FAP: variants seen among roughly 807,000 people sequenced by gnomAD.
FAP encodes the protein fibroblast activation protein alpha, also known as prolyl endopeptidase FAP.
FAP carries 110 observed loss-of-function variants against 126.5 expected under a neutral mutation model. That is an observed-to-expected ratio of 0.87 (90% confidence interval 0.74 to 1.02). FAP has a LOEUF of 1.02. Ranked by LOEUF, FAP falls within the 50% of genes least tolerant of loss-of-function variation. The pLI is 0.00. For missense variants in FAP, 919 were observed against 909.2 expected (o/e 1.01, Z -0.14); for synonymous variants, 334 against 297.3 (o/e 1.12, Z -1.27).
intron 14 of FAP, among the ~76,000 whole-genome samples, chr2:162,201,719 G>A (rs747075501): frequency 3.3e-5 from 5 of 152,160 alleles, no homozygotes; most frequent in African/African-American, 4.8e-5. Context: ...TAGAGAATGT[G>A]TATTGAACTA....
At chr2:162,188,113 G>T in intron 20 of FAP, 56 bp downstream of exon 20, 1 of 1,369,332 alleles carries the variant, frequency 7.3e-7, no homozygotes. Context: ...AAACACAATA[G>T]TGATTGCATG....
chr2:162,213,922 T>C lies in FAP; in HGVS notation c.1002+16A>G. On this transcript the variant is annotated intron_variant, in intron 11 of 25. Coordinates refer to ENST00000188790, the MANE Select transcript of FAP (RefSeq NM_004460.5). ...GATCTTCAGAAATACGTATCTGTGATCTTAATATACCCTACCTTTGGACAA... is the reference window on the plus strand; with the variant it reads ...GATCTTCAGAAATACGTATCTGTGACCTTAATATACCCTACCTTTGGACAA... 1 of 1,608,196 alleles carries C rather than the reference T, an allele frequency of 6.2e-7. No individual in the cohort carries two copies. Among genetic ancestry groups the C allele is most frequent in the Non-Finnish European group, 8.5e-7 (1 of 1,176,794 alleles).
intron 2 of FAP, among the ~76,000 whole-genome samples, chr2:162,234,182 T>C (rs1194640959): frequency 6.6e-6 from 1 of 152,202 alleles, no homozygotes; most frequent in Non-Finnish European, 1.5e-5. Flanking sequence ...GTTTTAGCTA[T>C]TTTGGGTCCC....
intron 20 of FAP, among the ~76,000 whole-genome samples, chr2:162,186,786 C>T (rs368406536): frequency 5.3e-5 from 8 of 152,050 alleles, no homozygotes; most frequent in African/African-American, 1.9e-4. Context: ...TAAAAAAAGT[C>T]CCCCATGGAA....
chr2:162,179,812 AT>A lies in FAP; in HGVS notation c.1869+3601del, dbSNP rs1206502227. On this transcript the variant is annotated intron_variant, in intron 21 of 25. Transcript: ENST00000188790. ...TATCTATATATATATATATATATAT[AT>A]TTTTTTTTTTTTTGAGATGGAGTCT... Among the ~76,000 whole-genome samples, 694 of 90,522 alleles carry A rather than the reference AT, an allele frequency of 7.7e-3. 4 individuals are homozygous for A. Among genetic ancestry groups the A allele is most frequent in the East Asian group, 0.02 (47 of 2,378 alleles). The allele number at this position is 90,522 out of a possible 152,430, so 59.4% of individuals were successfully genotyped here.
chr2:162,195,303 G>A (rs1688211304), intron 16 of FAP, among the ~76,000 whole-genome samples: 1 of 151,982 alleles, frequency 6.6e-6, no homozygotes, highest in Non-Finnish European at 1.5e-5. Context: ...GGTTTGTGGG[G>A]GTGGTATTGG....
chr2:162,224,321 A>G, intron 5 of FAP, 145 bp downstream of exon 5: 1 of 575,370 alleles, frequency 1.7e-6, no homozygotes, highest in Non-Finnish European at 3.1e-6. Context: ...ATAAGATTGA[A>G]ACATATCATG....
chr2:162,229,825 C>G (rs1689819268), intron 2 of FAP, among the ~76,000 whole-genome samples: 1 of 150,536 alleles, frequency 6.6e-6, no homozygotes, highest in East Asian at 1.9e-4. Context: ...GCTATAAATG[C>G]CAACAATCGA....
intron 21 of FAP, among the ~76,000 whole-genome samples, chr2:162,183,048 G>C (rs1427796632): frequency 6.6e-6 from 1 of 151,982 alleles, no homozygotes; most frequent in Non-Finnish European, 1.5e-5. Flanking sequence ...TCAAATTGTA[G>C]CTCCAATTTT....
At chr2:162,229,761 C>G (rs1262231394) in intron 2 of FAP, among the ~76,000 whole-genome samples, 3 of 152,098 alleles carry the variant, frequency 2.0e-5, no homozygotes, top group Non-Finnish European at 4.4e-5. Flanking sequence ...GGACTTGATA[C>G]TATATTTCAT....
rs756775459 is a variant in FAP at position 162,237,150 on chromosome 2, TAAA to T, written c.91+5755_91+5757del. ...TCTTGGTTCTCTATACAATGAGAAA[TAAA>T]AAGAGACTGGTTAGTATTTGACTGT... On this transcript the variant is annotated intron_variant, in intron 2 of 25. Coordinates refer to ENST00000188790, the MANE Select transcript of FAP (RefSeq NM_004460.5). 5.9e-5 allele frequency among the ~76,000 whole-genome samples: 9 copies of T among 152,264 alleles called. No individual in the cohort carries two copies. The South Asian group carries it at 1.5e-3, about 25-fold the overall frequency.
Position 162,219,085 on chromosome 2 carries a change from T to G in FAP, c.585A>C (p.Gly195=), listed in dbSNP as rs76814605. 3,328 of 1,604,880 alleles carry G rather than the reference T, an allele frequency of 2.1e-3. 51 individuals are homozygous for G. In the African/African-American group the frequency reaches 0.038, roughly 18 times the overall value. ...FNGRENKIFN[G]IPDWVYEEEM... ...TACCTTCATAAACCCAGTCTGGGAT[T>G]CCATTAAATATTTTATTTTCTCTTC... is the stretch of plus-strand genomic sequence containing the variant. Residue 195 remains glycine (G), a synonymous_variant, in exon 8 of 26, where the codon GGA becomes GGC. Transcript: ENST00000188790.
In FAP at chr2:162,219,068, T is replaced by C; in HGVS notation, c.602A>G (p.Tyr201Cys). The C allele has an allele frequency of 6.2e-7, 1 of 1,601,692 alleles. No individual in the cohort carries two copies. Among genetic ancestry groups the C allele is most frequent in the Non-Finnish European group, 8.5e-7 (1 of 1,173,722 alleles). ...KIFNGIPDWV[Y>C]EEEMLATKYA... ...AGAAAAGGAATACAGCTTACCTTCA[T>C]AAACCCAGTCTGGGATTCCATTAAA... The change falls in exon 8 of 26, where the codon TAT (tyrosine) becomes TGT (cysteine). Residue 201 changes from tyrosine to cysteine, a missense_variant. Physicochemically the swap from Tyr to Cys is radical, Grantham distance 194. Coordinates refer to ENST00000188790, the MANE Select transcript of FAP (RefSeq NM_004460.5).
At chr2:162,185,234 A>T (rs1687823950) in intron 20 of FAP, among the ~76,000 whole-genome samples, 1 of 152,178 alleles carries the variant, frequency 6.6e-6, no homozygotes, top group African/African-American at 2.4e-5. Context: ...TTCTCTCATA[A>T]AGTTGGCCCA....
intron 2 of FAP, among the ~76,000 whole-genome samples, chr2:162,235,539 C>CA (rs1336511200): frequency 6.6e-6 from 1 of 152,146 alleles, no homozygotes; most frequent in African/African-American, 2.4e-5. Context: ...TGTATCTAGG[C>CA]AATAGGTGGA....
At chr2:162,207,244 T>A (rs1688738792) in intron 12 of FAP, among the ~76,000 whole-genome samples, 1 of 152,164 alleles carries the variant, frequency 6.6e-6, no homozygotes, top group South Asian at 2.1e-4. Context: ...ATGTCAGAAC[T>A]TACAAAAGCT....
At chr2:162,206,957 C>G (rs571523485) in intron 12 of FAP, among the ~76,000 whole-genome samples, 17 of 152,182 alleles carry the variant, frequency 1.1e-4, no homozygotes, top group African/African-American at 4.1e-4. Flanking sequence ...GAGTCTTTTT[C>G]CATTTTAAAT....
rs116740068 is a variant in FAP, at chr2:162,200,155, G to A, written c.1277+411C>T. Among the ~76,000 whole-genome samples the A allele has an allele frequency of 4.6e-3, 700 of 152,248 alleles. 9 individuals are homozygous for A. The highest frequency in any genetic ancestry group is 0.016 in the African/African-American group (660 of 41,532). ...TGGACTGAATGTAAACACTAATATA[G>A]GAACAGACATGGGTGGTGCCAAAGT... is the stretch of plus-strand genomic sequence containing the variant. On this transcript the variant is annotated intron_variant, in intron 15 of 25. Transcript: ENST00000188790.
chr2:162,198,402 A>T, intron 16 of FAP: 1 of 1,236,404 alleles, frequency 8.1e-7, no homozygotes, highest in Non-Finnish European at 1.0e-6. Flanking sequence ...AGGTCTTGCG[A>T]AGCCTAGCTG....
Sources: gnomAD v4.1 joint callset for allele counts (sites outside exome capture counted in the v4.1 genomes callset) on GRCh38, gnomAD v4.1.1 for gene constraint, MANE v1.5 for transcripts, NCBI Gene and HGNC (gene_info 2026-07-23, HGNC 2026-07-21) for gene names.